The following KIF21A variants were observed in gnomAD, a reference collection of about 807,000 sequenced individuals.
KIF21A encodes the protein kinesin-like protein KIF21A.
In KIF21A, 114 loss-of-function variants were observed where a neutral mutation model predicts 202.9. That is an observed-to-expected ratio of 0.56 (90% CI 0.48 to 0.66). The LOEUF (loss-of-function observed/expected upper bound fraction) is 0.66. Among genes scored for constraint, KIF21A ranks in the 30% least tolerant of loss-of-function variants. The probability of loss-of-function intolerance (pLI) is 0.00; values close to 1 mark genes in which losing one functional copy is unlikely to be tolerated. For synonymous variants in KIF21A, 667 were observed against 670.8 expected, an observed-to-expected ratio of 0.99 and a Z score of 0.09; for missense variants, 1,677 against 1,994.9, an observed-to-expected ratio of 0.84 and a Z score of 3.04.
intron 24 of KIF21A, among the ~76,000 whole-genome samples, chr12:39,328,924 A>G (rs1344511483): frequency 6.6e-6 from 1 of 152,154 alleles, no homozygotes; most frequent in Non-Finnish European, 1.5e-5. Flanking sequence ...CCATAACTCT[A>G]CAGATCTCAA....
chr12:39,369,174 A>C (rs1407751775), intron 3 of KIF21A, among the ~76,000 whole-genome samples: 1 of 152,188 alleles, frequency 6.6e-6, no homozygotes, highest in African/African-American at 2.4e-5. Flanking sequence ...TATTGATAAA[A>C]ATAAGTTCCT....
chr12:39,311,331 T>A (rs1168674358), intron 32 of KIF21A, 86 bp downstream of exon 32: 44 of 1,235,208 alleles, frequency 3.6e-5, no homozygotes, highest in Non-Finnish European at 5.0e-5. Flanking sequence ...TCTTAAATAG[T>A]TTGACAGTTT....
chr12:39,405,289 T>C (rs567399091), intron 1 of KIF21A, among the ~76,000 whole-genome samples: 4 of 152,066 alleles, frequency 2.6e-5, no homozygotes, highest in Non-Finnish European at 5.9e-5. Context: ...GAGGCAGAGG[T>C]AGCAGTGAGC....
Position 39,442,283 on chromosome 12 carries a change from T to TA in KIF21A, c.44+643dup, listed in dbSNP as rs1231781681. ...CTGTAGACCTCTCCCCAGTGGATTT[T>TA]ACCTTAAATTCCACTCCCATTCCAA... On this transcript the variant is annotated intron_variant, in intron 1 of 37. Transcript: ENST00000361418. The surrounding 1 kb of genome is among the most constrained non-coding windows in gnomAD (Gnocchi z 5.0). Among the ~76,000 whole-genome samples, 3 of 152,278 alleles carry TA rather than the reference T, an allele frequency of 2.0e-5. No homozygotes were observed. Among genetic ancestry groups the TA allele is most frequent in the East Asian group, 1.9e-4 (1 of 5,176 alleles).
intron 31 of KIF21A, 35 bp downstream of exon 31, chr12:39,315,194 A>T: frequency 6.3e-7 from 1 of 1,598,436 alleles, no homozygotes. Context: ...TGATACTGGA[A>T]ATGAAATTAA....
At chr12:39,336,697 A>G (rs1318616953) in intron 17 of KIF21A, among the ~76,000 whole-genome samples, 2 of 152,180 alleles carry the variant, frequency 1.3e-5, no homozygotes, top group Non-Finnish European at 2.9e-5. Flanking sequence ...GCCTCTTCTA[A>G]TAAGGGCTGG....
intron 1 of KIF21A, among the ~76,000 whole-genome samples, chr12:39,441,673 A>AAAAAAAAAAAAAAAAAAC (rs1939637921): frequency 6.8e-6 from 1 of 147,866 alleles, no homozygotes; most frequent in Non-Finnish European, 1.5e-5. Context: ...AAAAAAAAAA[A>AAAAAAAAAAAAAAAAAAC]AAAAAAACAC....
chr12:39,392,443 G>A (rs1951440069), intron 1 of KIF21A, among the ~76,000 whole-genome samples: 1 of 152,136 alleles, frequency 6.6e-6, no homozygotes, highest in Admixed American at 6.5e-5. Context: ...GCACATAAGG[G>A]AGATTACTCT....
intron 1 of KIF21A, among the ~76,000 whole-genome samples, chr12:39,395,978 A>G (rs1157332190): frequency 2.0e-5 from 3 of 152,016 alleles, no homozygotes; most frequent in Non-Finnish European, 4.4e-5. Context: ...GCTCTTAAAA[A>G]ATTCCAGAGG....
intron 1 of KIF21A, among the ~76,000 whole-genome samples, chr12:39,420,415 T>C (rs1431009724): frequency 6.6e-6 from 1 of 151,884 alleles, no homozygotes; most frequent in East Asian, 1.9e-4. Context: ...AAGGGTGTAA[T>C]GGCCAGCTAA....
At chr12:39,302,172 G>T (rs994627686) in intron 36 of KIF21A, among the ~76,000 whole-genome samples, 1 of 152,098 alleles carries the variant, frequency 6.6e-6, no homozygotes, top group Non-Finnish European at 1.5e-5. Flanking sequence ...GTAATTACAA[G>T]ATCAGACTAT....
intron 7 of KIF21A, among the ~76,000 whole-genome samples, chr12:39,360,218 G>A (rs1949101031): frequency 6.6e-6 from 1 of 151,718 alleles, no homozygotes; most frequent in African/African-American, 2.4e-5. Context: ...CTAAAAAAAA[G>A]CTATTTATTT....
chr12:39,299,142 A>C (rs1441321105), intron 37 of KIF21A, among the ~76,000 whole-genome samples: 1 of 152,050 alleles, frequency 6.6e-6, no homozygotes, highest in Non-Finnish European at 1.5e-5. Context: ...TCATCTGCAC[A>C]GCAAAAGAAA....
intron 26 of KIF21A, among the ~76,000 whole-genome samples, 179 bp downstream of exon 26, chr12:39,325,660 A>G (rs1945823526): frequency 6.6e-6 from 1 of 151,752 alleles, no homozygotes; most frequent in Admixed American, 6.6e-5. Flanking sequence ...TTTTAATATA[A>G]ATTTTTTCAG....
At chr12:39,337,643 T>C (rs899673910) in intron 16 of KIF21A, 1 of 179,338 alleles carries the variant, frequency 5.6e-6, no homozygotes, top group Non-Finnish European at 1.2e-5. Flanking sequence ...TCTCAACAAC[T>C]TGATAAGCAC....
At chr12:39,308,192 G>C (rs1261439362) in intron 33 of KIF21A, among the ~76,000 whole-genome samples, 1 of 151,742 alleles carries the variant, frequency 6.6e-6, no homozygotes, top group Non-Finnish European at 1.5e-5. Flanking sequence ...ACATGGTGAA[G>C]TCCCATCTCT....
intron 1 of KIF21A, among the ~76,000 whole-genome samples, chr12:39,432,572 C>T (rs542523501): frequency 1.3e-4 from 20 of 150,636 alleles, no homozygotes; most frequent in Admixed American, 1.1e-3. Flanking sequence ...TAATATTTAG[C>T]ATGTTACTCA....
chr12:39,334,926 T>C (rs1358611623), intron 17 of KIF21A, among the ~76,000 whole-genome samples: 1 of 152,202 alleles, frequency 6.6e-6, no homozygotes, highest in Non-Finnish European at 1.5e-5. Context: ...ATAGGTAGCA[T>C]ACACTGTAAA....
chr12:39,423,983 CAAAAAAAA>C (rs35526386), intron 1 of KIF21A, among the ~76,000 whole-genome samples: 3 of 25,670 alleles, frequency 1.2e-4, no homozygotes, highest in Non-Finnish European at 9.1e-5. Context: ...GACTCTGTCT[CAAAAAAAA>C]AAAAAAAAAA....
Sources: allele counts gnomAD v4.1 joint callset (sites outside exome capture counted in the v4.1 genomes callset), GRCh38; gene constraint gnomAD v4.1.1; non-coding constraint Gnocchi (gnomAD v3.1); transcripts MANE v1.5; gene names NCBI Gene and HGNC (gene_info 2026-07-23, HGNC 2026-07-21).